The following MGAT4C variants were observed in gnomAD, a reference collection of about 807,000 sequenced individuals.
MGAT4C encodes MGAT4 family member C.
MGAT4C carries 19 observed loss-of-function variants against 40.1 expected under a neutral mutation model. The observed-to-expected ratio is 0.47, with a 90% CI of 0.33 to 0.70. The LOEUF (loss-of-function observed/expected upper bound fraction) is 0.70. MGAT4C is among the 30% of genes least tolerant of loss of function. The pLI, the probability that MGAT4C is intolerant of heterozygous loss-of-function variation, is 0.02. For missense variants in MGAT4C, 491 were observed against 563.2 expected (o/e 0.87, Z 1.30); for synonymous variants, 181 against 187.1 (o/e 0.97, Z 0.27).
chr12:86,205,259 A>C (rs934183898), intron 1 of MGAT4C, among the ~76,000 whole-genome samples: 1 of 151,670 alleles, frequency 6.6e-6, no homozygotes, highest in African/African-American at 2.4e-5. Flanking sequence ...TTTAAATTTA[A>C]CCAATATTCA....
intron 1 of MGAT4C, among the ~76,000 whole-genome samples, chr12:86,764,004 C>T (rs915444791): frequency 6.6e-5 from 10 of 152,068 alleles, no homozygotes; most frequent in African/African-American, 1.7e-4. Flanking sequence ...GAGTGCCAGA[C>T]AGTTGGTGCG....
At chr12:86,780,436 T>C (rs941020860) in intron 1 of MGAT4C, among the ~76,000 whole-genome samples, 10 of 152,152 alleles carry the variant, frequency 6.6e-5, no homozygotes, top group Non-Finnish European at 8.8e-5. Context: ...TGGGAGGTGA[T>C]TGGATCATGG....
intron 1 of MGAT4C, among the ~76,000 whole-genome samples, chr12:86,209,093 C>T (rs573184972): frequency 6.6e-6 from 1 of 152,038 alleles, no homozygotes; most frequent in East Asian, 1.9e-4. Flanking sequence ...TCCTTAGATC[C>T]TGTCTACAAT....
intron 1 of MGAT4C, among the ~76,000 whole-genome samples, chr12:86,152,966 A>G (rs75156599): frequency 0.02 from 3,063 of 152,192 alleles, 43 homozygotes; most frequent in Non-Finnish European, 0.032. Context: ...TCCAGTTCAG[A>G]TCACTTTTCA....
intron 2 of MGAT4C, among the ~76,000 whole-genome samples, chr12:86,024,499 C>T (rs1475672793): frequency 1.3e-5 from 2 of 151,704 alleles, no homozygotes; most frequent in African/African-American, 4.8e-5. Flanking sequence ...AAAATTACTG[C>T]TCTTACATTG....
chr12:86,365,686 T>G (rs1472479738), intron 3 of MGAT4C, among the ~76,000 whole-genome samples: 2 of 151,922 alleles, frequency 1.3e-5, no homozygotes, highest in Non-Finnish European at 2.9e-5. Flanking sequence ...CCCACTGTTT[T>G]TTTTTTTTTT....
chr12:86,110,304 ATATATATATATATAGTCTCTCTCTCTG>A (rs1877123510), intron 1 of MGAT4C, among the ~76,000 whole-genome samples: 1 of 101,354 alleles, frequency 9.9e-6, no homozygotes, highest in Admixed American at 1.0e-4. Context: ...GTCTCTCTAT[ATATATATATATATAGTCTCTCTCTCTG>A]TATATAGTCT....
intron 1 of MGAT4C, among the ~76,000 whole-genome samples, chr12:86,163,661 T>C (rs1885858601): frequency 6.6e-6 from 1 of 152,184 alleles, no homozygotes; most frequent in Non-Finnish European, 1.5e-5. Flanking sequence ...TTTAAACAGA[T>C]CATTCTCTAC....
intron 2 of MGAT4C, among the ~76,000 whole-genome samples, chr12:86,639,601 A>G (rs944524934): frequency 1.3e-5 from 2 of 151,746 alleles, no homozygotes; most frequent in Non-Finnish European, 3.0e-5. Context: ...AAGTTCTTTG[A>G]TTGCCAAGAA....
intron 2 of MGAT4C, among the ~76,000 whole-genome samples, chr12:86,005,008 C>T (rs1887727705): frequency 6.6e-6 from 1 of 152,190 alleles, no homozygotes; most frequent in Admixed American, 6.5e-5. Context: ...ATGGCACAAT[C>T]CAGTCGGATC....
intron 1 of MGAT4C, among the ~76,000 whole-genome samples, chr12:86,190,604 T>C (rs941102308): frequency 3.3e-5 from 5 of 152,104 alleles, no homozygotes; most frequent in Admixed American, 3.3e-4. Context: ...GAATTTGCAA[T>C]AGCACATGTG....
intron 2 of MGAT4C, among the ~76,000 whole-genome samples, chr12:86,027,520 G>T (rs1171248770): frequency 6.6e-6 from 1 of 151,380 alleles, no homozygotes; most frequent in Non-Finnish European, 1.5e-5. Flanking sequence ...AAATACACAT[G>T]GTTTTTCATG....
At chr12:86,470,312 T>A (rs1226444769) in intron 2 of MGAT4C, among the ~76,000 whole-genome samples, 1 of 152,114 alleles carries the variant, frequency 6.6e-6, no homozygotes, top group East Asian at 1.9e-4. Flanking sequence ...ACCCTTTGGT[T>A]CTCTCTCTTC....
chr12:86,675,751 T>G (rs1964376882), intron 2 of MGAT4C, among the ~76,000 whole-genome samples: 1 of 152,310 alleles, frequency 6.6e-6, no homozygotes, highest in South Asian at 2.1e-4. Flanking sequence ...TTTTATACAT[T>G]CATATAATAT....
At chr12:86,421,538 G>A (rs1169085529) in intron 3 of MGAT4C, among the ~76,000 whole-genome samples, 1 of 152,152 alleles carries the variant, frequency 6.6e-6, no homozygotes, top group African/African-American at 2.4e-5. Flanking sequence ...TTGGGAGGCC[G>A]AGGCAGGGGG....
chr12:86,460,756 CATAA>C (rs533957734), intron 2 of MGAT4C, among the ~76,000 whole-genome samples: 2 of 151,856 alleles, frequency 1.3e-5, no homozygotes, highest in East Asian at 3.9e-4. Context: ...AAATGTTGGT[CATAA>C]ATAGAGTTTG....
chr12:86,830,195 G>A (rs1464087534), intron 1 of MGAT4C, among the ~76,000 whole-genome samples: 2 of 151,108 alleles, frequency 1.3e-5, no homozygotes, highest in African/African-American at 4.9e-5. Flanking sequence ...ATCTCTTTCT[G>A]CCCCTGTATG....
chr12:85,979,493 T>C lies in MGAT4C; in HGVS notation c.1233A>G (p.Leu411=), dbSNP rs7958826. 851 of 1,613,200 alleles carry C rather than the reference T, an allele frequency of 5.3e-4. 4 individuals are homozygous for C. The African/African-American group carries it at 0.01, about 19-fold the overall frequency. Reference sequence around the variant, plus strand: ...TAGGCATAACGTTTTCCCCAACATCTAGGGCTCCATGATGCAAAATATCAT... The same window carrying C: ...TAGGCATAACGTTTTCCCCAACATCCAGGGCTCCATGATGCAAAATATCAT... ...RQNDILHHGA[L]DVGENVMPSK... The change falls in exon 5 of 5, where the codon CTA becomes CTG. Residue 411 remains leucine, a synonymous_variant. Coordinates refer to ENST00000611864, the MANE Select transcript of MGAT4C (RefSeq NM_001351288.2).
chr12:86,735,322 T>C (rs1007811326), intron 1 of MGAT4C, among the ~76,000 whole-genome samples: 4 of 151,890 alleles, frequency 2.6e-5, no homozygotes, highest in African/African-American at 4.8e-5. Flanking sequence ...GTGATGATGG[T>C]AGCTGTTAAG....
Sources: gnomAD v4.1 joint callset for allele counts (sites outside exome capture counted in the v4.1 genomes callset) on GRCh38, gnomAD v4.1.1 for gene constraint, MANE v1.5 for transcripts, NCBI Gene and HGNC (gene_info 2026-07-23, HGNC 2026-07-21) for gene names.